UHRF2: variants seen among roughly 807,000 people sequenced by gnomAD.
The protein encoded by UHRF2 is E3 ubiquitin-protein ligase UHRF2.
UHRF2 carries 23 observed loss-of-function variants against 96.8 expected under a neutral mutation model. The observed-to-expected ratio is 0.24, with a 90% CI of 0.17 to 0.34. The LOEUF (loss-of-function observed/expected upper bound fraction) is 0.34. UHRF2 is among the 10% of genes least tolerant of loss of function. The pLI is 1.00. For missense variants in UHRF2, 685 were observed against 981.5 expected, an observed-to-expected ratio of 0.70 and a Z score of 4.04; for synonymous variants, 385 against 332.6, an observed-to-expected ratio of 1.16 and a Z score of -1.72.
At chr9:6,439,944 T>C (rs1049429366) in intron 3 of UHRF2, among the ~76,000 whole-genome samples, 2 of 152,136 alleles carry the variant, frequency 1.3e-5, no homozygotes, top group African/African-American at 4.8e-5. Flanking sequence ...GTGGTTAATG[T>C]AAAAGAAAAA....
chr9:6,487,789 A>C (rs771980910), intron 9 of UHRF2, among the ~76,000 whole-genome samples: 2 of 152,256 alleles, frequency 1.3e-5, no homozygotes, highest in Non-Finnish European at 2.9e-5. Context: ...GGCGTGAGCC[A>C]CGGTGCCCAT....
intron 2 of UHRF2, among the ~76,000 whole-genome samples, chr9:6,429,241 C>T (rs1359259060): frequency 6.6e-6 from 1 of 151,942 alleles, no homozygotes; most frequent in Non-Finnish European, 1.5e-5. Context: ...CTCAGCTTAA[C>T]TCCCACATTT....
intron 15 of UHRF2, among the ~76,000 whole-genome samples, 198 bp downstream of exon 15, chr9:6,504,889 T>C (rs1331804826): frequency 6.6e-6 from 1 of 152,162 alleles, no homozygotes; most frequent in Non-Finnish European, 1.5e-5. Flanking sequence ...ATATGTGTCA[T>C]TTGAGATATT....
intron 3 of UHRF2, among the ~76,000 whole-genome samples, chr9:6,436,049 T>G (rs575867058): frequency 4.7e-4 from 71 of 152,248 alleles, no homozygotes; most frequent in Non-Finnish European, 8.8e-4. Flanking sequence ...TTTAGTATAT[T>G]AAACACACTA....
intron 12 of UHRF2, chr9:6,498,382 G>T: frequency 2.6e-6 from 1 of 389,826 alleles, no homozygotes; most frequent in Non-Finnish European, 4.4e-6. Flanking sequence ...AGTTGGACCT[G>T]TTAATTAAAA....
intron 1 of UHRF2, among the ~76,000 whole-genome samples, chr9:6,420,097 C>T (rs926309749): frequency 2.6e-5 from 4 of 151,452 alleles, no homozygotes; most frequent in African/African-American, 7.3e-5. Context: ...CCCTCTGTTG[C>T]CCAGGTTGGA....
At chr9:6,442,008 C>G (rs1427549741) in intron 3 of UHRF2, among the ~76,000 whole-genome samples, 1 of 152,134 alleles carries the variant, frequency 6.6e-6, no homozygotes, top group Non-Finnish European at 1.5e-5. Context: ...CTCTGTTGCC[C>G]AGGCTGGAGT....
intron 2 of UHRF2, among the ~76,000 whole-genome samples, chr9:6,431,031 G>A (rs1245332743): frequency 1.3e-5 from 2 of 152,086 alleles, no homozygotes; most frequent in Non-Finnish European, 2.9e-5. Context: ...ATTTGTACTA[G>A]ATTACTTAGT....
intron 8 of UHRF2, among the ~76,000 whole-genome samples, chr9:6,482,894 T>C (rs779574166): frequency 2.6e-5 from 4 of 152,210 alleles, no homozygotes; most frequent in Non-Finnish European, 5.9e-5. Context: ...CTGGCTTTAA[T>C]TTTTATATTG....
chr9:6,498,149 A>G lies in UHRF2; in HGVS notation c.1899A>G (p.Leu633=), dbSNP rs190299400. The stretch of plus-strand genomic sequence containing the variant: ...TAGAACGGTCAAGGAGATTATGTCT[A>G]CGTTTACAGGTTAGATTACATTTGT... ...EGIERSRRLC[L]RLQYPAGYPS... Residue 633 remains leucine (L), a synonymous_variant, in exon 12 of 16, where the codon CTA becomes CTG. Coordinates refer to ENST00000276893, the MANE Select transcript of UHRF2 (RefSeq NM_152896.3). 95 of 1,613,396 alleles carry G rather than the reference A, an allele frequency of 5.9e-5. No homozygotes were observed. The Admixed American group carries it at 1.3e-3, about 22-fold the overall frequency.
intron 3 of UHRF2, among the ~76,000 whole-genome samples, chr9:6,442,966 T>C (rs1016127084): frequency 9.2e-5 from 14 of 152,222 alleles, no homozygotes; most frequent in African/African-American, 3.4e-4. Flanking sequence ...AGTGACTTGC[T>C]TTTCCTTTAT....
intron 3 of UHRF2, among the ~76,000 whole-genome samples, chr9:6,459,017 T>C (rs1439096854): frequency 6.6e-6 from 1 of 151,782 alleles, no homozygotes; most frequent in African/African-American, 2.4e-5. Flanking sequence ...AGTTGAACAA[T>C]GAGAACCCAT....
At position 6,452,040 on chromosome 9, in the gene UHRF2, A is replaced by G. The variant is rs117723061; in HGVS notation, c.645-8533A>G. On this transcript the variant is annotated intron_variant, in intron 3 of 15. Transcript: ENST00000276893. ...TGTATATATGTGTATTTATACATAT[A>G]TACACTAGATAGAAAATAGAAACTA... 2.0e-3 allele frequency among the ~76,000 whole-genome samples: 299 copies of G among 152,252 alleles called. 4 individuals carry two copies. Among genetic ancestry groups the G allele is most frequent in the Non-Finnish European group, 3.0e-3 (202 of 68,016 alleles).
chr9:6,471,008 A>C (rs1354269090), intron 4 of UHRF2, among the ~76,000 whole-genome samples: 1 of 152,184 alleles, frequency 6.6e-6, no homozygotes, highest in Non-Finnish European at 1.5e-5. Flanking sequence ...TCCACATGCT[A>C]CTCTTAAGAA....
At chr9:6,482,124 G>A (rs1225404024) in intron 8 of UHRF2, 25 bp downstream of exon 8, 2 of 1,572,780 alleles carry the variant, frequency 1.3e-6, no homozygotes, top group African/African-American at 2.7e-5. Flanking sequence ...GGGCTTAGTT[G>A]AAAGGGGAGA....
chr9:6,473,609 A>G (rs1208824854), intron 4 of UHRF2, among the ~76,000 whole-genome samples: 1 of 152,158 alleles, frequency 6.6e-6, no homozygotes, highest in Non-Finnish European at 1.5e-5. Context: ...TACCAAGAAA[A>G]TGAACCTAAA....
At chr9:6,488,683 C>G (rs1824466857) in intron 9 of UHRF2, among the ~76,000 whole-genome samples, 1 of 149,578 alleles carries the variant, frequency 6.7e-6, no homozygotes, top group African/African-American at 2.5e-5. Flanking sequence ...TGTGTTTTTA[C>G]TAGAGATGGG....
intron 3 of UHRF2, among the ~76,000 whole-genome samples, chr9:6,446,236 C>T (rs1297146201): frequency 5.3e-5 from 8 of 151,814 alleles, no homozygotes; most frequent in African/African-American, 1.5e-4. Flanking sequence ...CTGCAACCTC[C>T]GCCTCCCAGG....
intron 15 of UHRF2, among the ~76,000 whole-genome samples, chr9:6,505,319 G>T (rs745387272): frequency 1.1e-4 from 17 of 151,524 alleles, no homozygotes; most frequent in Non-Finnish European, 7.4e-5. Flanking sequence ...ATTTTTTGAC[G>T]GAATCTCACT....
Sources: gnomAD v4.1 joint callset for allele counts (sites outside exome capture counted in the v4.1 genomes callset) on GRCh38, gnomAD v4.1.1 for gene constraint, MANE v1.5 for transcripts, NCBI Gene and HGNC (gene_info 2026-07-23, HGNC 2026-07-21) for gene names.